Variants in RFX3 observed in about 807,000 individuals in gnomAD.
The protein encoded by RFX3 is regulatory factor X3, also known as transcription factor RFX3.
Under a neutral mutation model 98.6 loss-of-function variants are expected in RFX3, and 14 were observed. The observed-to-expected ratio is 0.14, with a 90% CI of 0.09 to 0.22. The LOEUF is 0.22. RFX3 is among the 10% of genes least tolerant of loss of function. The probability of loss-of-function intolerance (pLI) is 1.00; values close to 1 mark genes in which losing one functional copy is unlikely to be tolerated. For missense variants in RFX3, 639 were observed against 926.9 expected (o/e 0.69, Z 4.03); for synonymous variants, 383 against 328.4 (o/e 1.17, Z -1.80).
At chr9:3,490,442 A>G (rs560156431) in intron 1 of RFX3, 1 of 199,512 alleles carries the variant, frequency 5.0e-6, no homozygotes, top group East Asian at 1.9e-4. Context: ...AAGTTTATAG[A>G]TAAGTATTAA....
intron 2 of RFX3, among the ~76,000 whole-genome samples, chr9:3,360,018 T>C (rs543499432): frequency 1.3e-5 from 2 of 152,258 alleles, no homozygotes; most frequent in East Asian, 3.9e-4. Context: ...AGGTTAGCAT[T>C]TCTAAAAGAG....
intron 1 of RFX3, among the ~76,000 whole-genome samples, chr9:3,498,949 T>A (rs1187640084): frequency 6.6e-6 from 1 of 152,106 alleles, no homozygotes; most frequent in Non-Finnish European, 1.5e-5. Context: ...AACCAGTGTG[T>A]TTAAAGGGCT....
At chr9:3,445,864 C>G (rs940359027) in intron 1 of RFX3, among the ~76,000 whole-genome samples, 18 of 152,068 alleles carry the variant, frequency 1.2e-4, no homozygotes, top group African/African-American at 4.3e-4. Context: ...TCTGCATGCC[C>G]TGATTTCTGG....
intron 1 of RFX3, among the ~76,000 whole-genome samples, chr9:3,500,060 A>C (rs968966596): frequency 2.0e-5 from 3 of 152,192 alleles, no homozygotes; most frequent in African/African-American, 7.2e-5. Flanking sequence ...AAAAGAAATT[A>C]ACTATTTCTC....
At chr9:3,470,931 T>C (rs1848720727) in intron 1 of RFX3, among the ~76,000 whole-genome samples, 1 of 152,158 alleles carries the variant, frequency 6.6e-6, no homozygotes, top group Non-Finnish European at 1.5e-5. Context: ...AGATAAAAAA[T>C]CTCTGGCTAT....
At chr9:3,289,599 C>T (rs1827075662) in intron 6 of RFX3, among the ~76,000 whole-genome samples, 1 of 152,096 alleles carries the variant, frequency 6.6e-6, no homozygotes, top group Non-Finnish European at 1.5e-5. Flanking sequence ...AAAATGATGT[C>T]TCTCTTGTGA....
chr9:3,255,876 T>C (rs1195617990), intron 14 of RFX3, among the ~76,000 whole-genome samples: 1 of 152,228 alleles, frequency 6.6e-6, no homozygotes, highest in East Asian at 1.9e-4. Context: ...ATAAGCTATG[T>C]TACTGTCTAC....
intron 15 of RFX3, among the ~76,000 whole-genome samples, chr9:3,239,635 CT>C (rs1819646540): frequency 1.3e-5 from 2 of 152,170 alleles, no homozygotes; most frequent in East Asian, 3.9e-4. Context: ...CAATATTGGC[CT>C]TAGTTGCCTT....
chr9:3,369,584 T>C (rs1349008666), intron 2 of RFX3, among the ~76,000 whole-genome samples: 5 of 152,198 alleles, frequency 3.3e-5, no homozygotes, highest in East Asian at 1.9e-4. Flanking sequence ...ATAAAAGTAA[T>C]TGAAATGGTA....
At chr9:3,356,973 GCACACACA>G (rs200669491) in intron 2 of RFX3, among the ~76,000 whole-genome samples, 1 of 128,968 alleles carries the variant, frequency 7.8e-6, no homozygotes, top group Non-Finnish European at 1.6e-5. Context: ...GCACACACAC[GCACACACA>G]CACACACACA....
intron 4 of RFX3, among the ~76,000 whole-genome samples, chr9:3,308,617 T>G (rs1384120660): frequency 1.3e-5 from 2 of 152,174 alleles, no homozygotes; most frequent in East Asian, 3.9e-4. Context: ...AAGATCTCTT[T>G]GCAAGATGTC....
intron 15 of RFX3, chr9:3,247,094 T>A (rs1820777952): frequency 2.0e-6 from 2 of 985,130 alleles, no homozygotes; most frequent in Non-Finnish European, 2.4e-6. Flanking sequence ...AAAGTGAACA[T>A]GTCTTTTTTA....
In RFX3 at chr9:3,262,953, G is replaced by T; in HGVS notation, c.1587C>A (p.Val529=). ...AGAATACCTGGACATTGGCAAAGTC[G>T]ACACGGTTGAGGTCACTAAGCATCT... The part of the protein sequence containing the change: ...INQMLSDLNR[V]DFANVQEQAS... The change falls in exon 13 of 17, where the codon GTC becomes GTA. Residue 529 remains valine, a synonymous_variant. Coordinates refer to ENST00000617270, the MANE Select transcript of RFX3 (RefSeq NM_001282116.2). 6.2e-7 allele frequency: 1 copy of T among 1,613,512 alleles called. No homozygotes were observed. Among genetic ancestry groups the T allele is most frequent in the East Asian group, 2.2e-5 (1 of 44,866 alleles).
chr9:3,219,380 A>G lies in RFX3; in HGVS notation c.*5662T>C, dbSNP rs1817226619. On this transcript the variant is annotated 3_prime_UTR_variant, in exon 17 of 17. Coordinates refer to ENST00000617270, the MANE Select transcript of RFX3 (RefSeq NM_001282116.2). ...AGAATATTTGTTGTCCTCGTTATTGAGCTACATAAACAATTCTTACCAAAG... is the reference window on the plus strand; with the variant it reads ...AGAATATTTGTTGTCCTCGTTATTGGGCTACATAAACAATTCTTACCAAAG... The G allele has an allele frequency of 2.6e-5, 4 of 151,936 alleles. No individual in the cohort carries two copies. The allele number at this position is 151,936 out of a possible 1,614,324, so 9.4% of individuals were successfully genotyped here.
At chr9:3,323,104 G>C (rs1831497430) in intron 4 of RFX3, among the ~76,000 whole-genome samples, 1 of 152,172 alleles carries the variant, frequency 6.6e-6, no homozygotes, top group Non-Finnish European at 1.5e-5. Flanking sequence ...AGAGTTTAAA[G>C]GAAACCAGAT....
At chr9:3,446,520 C>T (rs967767648) in intron 1 of RFX3, among the ~76,000 whole-genome samples, 4 of 151,762 alleles carry the variant, frequency 2.6e-5, no homozygotes, top group Non-Finnish European at 5.9e-5. Flanking sequence ...GACCTCCTCC[C>T]ACAAACAAAA....
intron 4 of RFX3, among the ~76,000 whole-genome samples, chr9:3,329,104 C>A (rs959653795): frequency 2.0e-5 from 3 of 152,014 alleles, no homozygotes; most frequent in African/African-American, 4.8e-5. Context: ...CATTTCAGTA[C>A]GCTAAAATAC....
intron 2 of RFX3, among the ~76,000 whole-genome samples, chr9:3,372,213 TGACCAACA>T (rs1295003957): frequency 6.6e-6 from 1 of 152,200 alleles, no homozygotes; most frequent in Non-Finnish European, 1.5e-5. Context: ...TCTCTGCCTA[TGACCAACA>T]GAAATACGTG....
At chr9:3,377,531 T>A (rs575031914) in intron 2 of RFX3, among the ~76,000 whole-genome samples, 40 of 152,246 alleles carry the variant, frequency 2.6e-4, no homozygotes, top group African/African-American at 9.6e-4. Context: ...GGGACATGTA[T>A]ACATATGTAA....
Sources: gnomAD v4.1 joint callset for allele counts (sites outside exome capture counted in the v4.1 genomes callset) on GRCh38, gnomAD v4.1.1 for gene constraint, MANE v1.5 for transcripts, NCBI Gene and HGNC (gene_info 2026-07-23, HGNC 2026-07-21) for gene names.